The following GPATCH2 variants were observed in gnomAD, a reference collection of about 807,000 sequenced individuals.
The protein encoded by GPATCH2 is G patch domain-containing protein 2.
A neutral mutation model predicts 58.0 loss-of-function variants in GPATCH2; 51 were observed. The ratio of observed to expected loss-of-function variants is 0.88; its 90% confidence interval spans 0.70 to 1.11. The LOEUF is 1.11. GPATCH2 is among the 50% of genes most tolerant of loss of function. The probability of loss-of-function intolerance (pLI) is 0.00; values close to 1 mark genes in which losing one functional copy is unlikely to be tolerated. For synonymous variants in GPATCH2, 222 were observed against 218.5 expected (o/e 1.02, Z -0.14); for missense variants, 625 against 652.2 (o/e 0.96, Z 0.45).
At chr1:217,519,466 A>G (rs1453475735) in intron 5 of GPATCH2, among the ~76,000 whole-genome samples, 1 of 152,238 alleles carries the variant, frequency 6.6e-6, no homozygotes, top group East Asian at 1.9e-4. Context: ...ATCATTTATA[A>G]GATTAAAAGG....
At chr1:217,511,788 G>T (rs571343293) in intron 6 of GPATCH2, among the ~76,000 whole-genome samples, 2 of 151,928 alleles carry the variant, frequency 1.3e-5, no homozygotes, top group African/African-American at 4.8e-5. Context: ...CCCTAGAAGG[G>T]CATCAACCTA....
At chr1:217,582,374 A>T (rs1667119168) in intron 5 of GPATCH2, among the ~76,000 whole-genome samples, 1 of 152,186 alleles carries the variant, frequency 6.6e-6, no homozygotes, top group African/African-American at 2.4e-5. Context: ...CATAAAAATT[A>T]CCTTAAAGTC....
At chr1:217,587,066 T>G (rs982530003) in intron 5 of GPATCH2, among the ~76,000 whole-genome samples, 1 of 152,118 alleles carries the variant, frequency 6.6e-6, no homozygotes, top group Non-Finnish European at 1.5e-5. Context: ...AGGGGGGAAG[T>G]TCTGCAACTT....
At chr1:217,611,095 CCCCA>C in intron 3 of GPATCH2, 24 bp from the exon 4 acceptor site, 1 of 1,588,956 alleles carries the variant, frequency 6.3e-7, no homozygotes, top group Non-Finnish European at 8.6e-7. Flanking sequence ...AGAAACCCCC[CCCCA>C]CCAAAGACTC....
chr1:217,554,308 A>G (rs992432882), intron 5 of GPATCH2, among the ~76,000 whole-genome samples: 11 of 152,200 alleles, frequency 7.2e-5, no homozygotes, highest in Non-Finnish European at 1.6e-4. Flanking sequence ...TCTGGAAATT[A>G]TGAGGTCACT....
At chr1:217,553,532 C>T (rs1665460093) in intron 5 of GPATCH2, among the ~76,000 whole-genome samples, 1 of 151,758 alleles carries the variant, frequency 6.6e-6, no homozygotes, top group Non-Finnish European at 1.5e-5. Flanking sequence ...AATATGTATA[C>T]TAGATATATT....
chr1:217,555,256 A>G (rs959653312), intron 5 of GPATCH2, among the ~76,000 whole-genome samples: 5 of 152,180 alleles, frequency 3.3e-5, no homozygotes, highest in African/African-American at 1.2e-4. Context: ...ATTTAGAAAG[A>G]CTGTCTATAT....
At chr1:217,605,111 A>C (rs147370672) in intron 5 of GPATCH2, among the ~76,000 whole-genome samples, 1,879 of 152,336 alleles carry the variant, frequency 0.012, 30 homozygotes, top group Middle Eastern at 0.054. Flanking sequence ...TAGTTTCCTA[A>C]CAAAAGTTGA....
In GPATCH2 at chr1:217,630,961, G is replaced by T; in HGVS notation, c.11C>A (p.Ala4Asp). The change falls in exon 1 of 10, where the codon GCC becomes GAC. Residue 4 changes from alanine (A) to aspartate (D), a missense_variant. Physicochemically the swap from Ala to Asp is moderately radical, Grantham distance 126. Coordinates refer to ENST00000366935, the MANE Select transcript of GPATCH2 (RefSeq NM_018040.5). ...AGCTCCGATCGGTTGGCGCCCGGCG[G>T]CCCCGAACATTAACGACACCCGGGA... Reference protein sequence around the residue: MFGAAGRQPIGAPA... With the variant: MFGDAGRQPIGAPA... 1 of 1,588,362 alleles carries T rather than the reference G, an allele frequency of 6.3e-7. No homozygotes were observed. Among genetic ancestry groups the T allele is most frequent in the East Asian group, 2.3e-5 (1 of 44,160 alleles).
intron 8 of GPATCH2, among the ~76,000 whole-genome samples, chr1:217,456,812 T>C (rs1659967076): frequency 6.6e-6 from 1 of 152,184 alleles, no homozygotes; most frequent in Non-Finnish European, 1.5e-5. Context: ...ATGCCACATA[T>C]ATAGGTCACC....
chr1:217,600,186 T>C (rs1668044191), intron 5 of GPATCH2, among the ~76,000 whole-genome samples: 1 of 152,120 alleles, frequency 6.6e-6, no homozygotes, highest in Non-Finnish European at 1.5e-5. Context: ...ATAATCAAAT[T>C]GCCCCCATTA....
At chr1:217,440,226 G>GT (rs2102536054) in intron 9 of GPATCH2, among the ~76,000 whole-genome samples, 1 of 152,220 alleles carries the variant, frequency 6.6e-6, no homozygotes, top group East Asian at 1.9e-4. Context: ...ATCAATAAAC[G>GT]TAATACATCA....
In GPATCH2 at chr1:217,431,188, CT is replaced by C; in HGVS notation, c.1543del (p.Ser515ValfsTer35). ...GLGLGFPLPKSTSATTTPNAG... is the reference protein window; with the variant it reads ...GLGLGFPLPKXTSATTTPNAG... The stretch of plus-strand genomic sequence containing the variant: ...ATTGGGGGTAGTAGTTGCGGAAGTA[CT>C]TTTTGGTAGAGGAAATCCAAGTCCT... On this transcript the variant is annotated frameshift_variant, in exon 10 of 10. Transcript: ENST00000366935. LOFTEE classifies it low-confidence loss of function (END_TRUNC). The C allele has an allele frequency of 1.9e-6, 3 of 1,605,864 alleles. No individual in the cohort carries two copies. The highest frequency in any genetic ancestry group is 2.6e-6 in the Non-Finnish European group (3 of 1,172,476).
chr1:217,614,330 G>T, intron 2 of GPATCH2, 128 bp from the exon 3 acceptor site: 1 of 604,238 alleles, frequency 1.7e-6, no homozygotes, highest in East Asian at 2.7e-5. Flanking sequence ...AAAATAAGAT[G>T]ATTTTTTTTT....
At chr1:217,536,432 CTTATT>C (rs1664468088) in intron 5 of GPATCH2, among the ~76,000 whole-genome samples, 1 of 152,136 alleles carries the variant, frequency 6.6e-6, no homozygotes, top group South Asian at 2.1e-4. Context: ...TCTTTTGCTT[CTTATT>C]TTATTTTTCT....
intron 8 of GPATCH2, among the ~76,000 whole-genome samples, chr1:217,469,744 T>C (rs1272594768): frequency 1.3e-5 from 2 of 152,138 alleles, no homozygotes; most frequent in East Asian, 3.8e-4. Context: ...GAGCAGTAAA[T>C]ATTCAAGGGT....
At chr1:217,433,965 T>C (rs953376648) in intron 9 of GPATCH2, among the ~76,000 whole-genome samples, 4 of 152,194 alleles carry the variant, frequency 2.6e-5, no homozygotes, top group Admixed American at 6.5e-5. Context: ...AAGCCGTTTA[T>C]TAAACATTTT....
chr1:217,613,484 G>A (rs927576219), intron 3 of GPATCH2, among the ~76,000 whole-genome samples: 1 of 151,990 alleles, frequency 6.6e-6, no homozygotes, highest in Non-Finnish European at 1.5e-5. Context: ...TGTATGGAGC[G>A]TAAAAGGGAA....
chr1:217,530,676 A>G (rs1384943142), intron 5 of GPATCH2, among the ~76,000 whole-genome samples: 2 of 152,200 alleles, frequency 1.3e-5, no homozygotes, highest in Non-Finnish European at 2.9e-5. Flanking sequence ...TCGTGATTGT[A>G]TCAGAAGTGC....
Sources: gnomAD v4.1 joint callset for allele counts (sites outside exome capture counted in the v4.1 genomes callset) on GRCh38, gnomAD v4.1.1 for gene constraint, MANE v1.5 for transcripts, NCBI Gene and HGNC (gene_info 2026-07-23, HGNC 2026-07-21) for gene names.